Variants in PHYKPL observed in about 807,000 individuals in gnomAD.
PHYKPL encodes the protein 5-phosphonooxy-L-lysine phospho-lyase.
In PHYKPL, 42 loss-of-function variants were observed where a neutral mutation model predicts 51.3. That is an observed-to-expected ratio of 0.82 (90% CI 0.64 to 1.06). PHYKPL has a LOEUF of 1.06. PHYKPL is among the 50% of genes least tolerant of loss of function. PHYKPL has a pLI of 0.00. For missense variants in PHYKPL, 655 were observed against 586.6 expected (o/e 1.12, Z -1.20); for synonymous variants, 264 against 236.0 (o/e 1.12, Z -1.09).
chr5:178,222,449 T>G lies in PHYKPL; in HGVS notation c.833A>C (p.Lys278Thr), dbSNP rs780822431. The change falls in exon 8 of 13, where the codon AAG becomes ACG. Residue 278 changes from lysine to threonine, a missense_variant. Physicochemically the swap from Lys to Thr is moderately conservative, Grantham distance 78. Coordinates refer to ENST00000308158, the MANE Select transcript of PHYKPL (RefSeq NM_153373.4). ...DFVPDIVTMG[K>T]SIGNGHPVAC... Reference sequence around the variant, plus strand: ...AACAGGGTGGCCGTTGCCAATGGACTTGCCCATGGTGACGATGTCAGGGAC... The same window carrying G: ...AACAGGGTGGCCGTTGCCAATGGACGTGCCCATGGTGACGATGTCAGGGAC... 6.2e-7 allele frequency: 1 copy of G among 1,614,158 alleles called. No homozygotes were observed. The highest frequency in any genetic ancestry group is 1.3e-5 in the African/African-American group (1 of 74,954).
chr5:178,213,032 A>G lies in PHYKPL; in HGVS notation c.1244T>C (p.Met415Thr), dbSNP rs751908311. ...GRNILKFKPP[M>T]CFSLDNARQV... Reference sequence around the variant, plus strand: ...CCGTGCATTGTCCAGGCTGAAGCACATTGGGGGCTTAAACTTCAGGATGTT... The same window carrying G: ...CCGTGCATTGTCCAGGCTGAAGCACGTTGGGGGCTTAAACTTCAGGATGTT... The change falls in exon 11 of 13, where the codon ATG becomes ACG. Residue 415 changes from methionine to threonine, a missense_variant. By Grantham distance (81) the Met-to-Thr change is moderately conservative. Coordinates refer to ENST00000308158, the MANE Select transcript of PHYKPL (RefSeq NM_153373.4). 4.3e-6 allele frequency: 7 copies of G among 1,614,200 alleles called. No individual in the cohort carries two copies. Among genetic ancestry groups the G allele is most frequent in the Non-Finnish European group, 5.9e-6 (7 of 1,180,016 alleles).
chr5:178,220,556 G>C (rs1007754861), intron 8 of PHYKPL, among the ~76,000 whole-genome samples: 3 of 152,088 alleles, frequency 2.0e-5, no homozygotes, highest in African/African-American at 7.2e-5. Context: ...GTGTTAACTT[G>C]TGAACTACTT....
Position 178,230,070 on chromosome 5 carries a change from C to T in PHYKPL, c.208G>A (p.Ala70Thr). The T allele has an allele frequency of 6.2e-7, 1 of 1,614,136 alleles. No homozygotes were observed. The highest frequency in any genetic ancestry group is 8.5e-7 in the Non-Finnish European group (1 of 1,180,026). ...AGCACCTGGTTCTGCTCATGTGCTGCTTGGACCACGAGAGGGTGGCAGTGC... is the reference window on the plus strand; with the variant it reads ...AGCACCTGGTTCTGCTCATGTGCTGTTTGGACCACGAGAGGGTGGCAGTGC... Reference protein sequence around the residue: ...VGHCHPLVVQAAHEQNQVLNT... With the variant: ...VGHCHPLVVQTAHEQNQVLNT... Residue 70 changes from alanine (A) to threonine (T), a missense_variant, in exon 3 of 13, where the codon GCA becomes ACA. Coordinates refer to ENST00000308158, the MANE Select transcript of PHYKPL (RefSeq NM_153373.4).
At chr5:178,217,116 C>T (rs1399542778) in intron 8 of PHYKPL, 1 of 151,180 alleles carries the variant, frequency 6.6e-6, no homozygotes, top group East Asian at 1.9e-4. Context: ...AAAATGATGT[C>T]TTACCAAAAC....
At chr5:178,218,235 A>AAG (rs1554109219) in intron 8 of PHYKPL, among the ~76,000 whole-genome samples, 1 of 135,472 alleles carries the variant, frequency 7.4e-6, no homozygotes, top group Non-Finnish European at 1.7e-5. Context: ...AAAAAAAAAA[A>AAG]AAAGAAAGAA....
chr5:178,214,736 C>T, intron 10 of PHYKPL, 60 bp downstream of exon 10: 1 of 1,497,160 alleles, frequency 6.7e-7, no homozygotes, highest in East Asian at 2.3e-5. Flanking sequence ...ACTGGCCCTG[C>T]AAAGAGGTAC....
rs183838170 is a variant in PHYKPL, at chr5:178,216,022, G to A, written c.928-592C>T. On this transcript the variant is annotated intron_variant, in intron 8 of 12. Transcript: ENST00000308158. ...CTTTAAAAACATCAGCTTTGTTGAG[G>A]TATAATTTATATATAAACTGTGTTT... The A allele has an allele frequency of 2.6e-5, 4 of 152,320 alleles. No homozygotes were observed. In the East Asian group the frequency reaches 7.7e-4, roughly 29 times the overall value. 9.4% of individuals were successfully genotyped at this position (152,320 alleles called of 1,614,324 possible).
Position 178,215,309 on chromosome 5 carries a change from T to C in PHYKPL, c.1049A>G (p.Gln350Arg), listed in dbSNP as rs968445623. Residue 350 changes from glutamine to arginine, a missense_variant, in exon 9 of 13, where the codon CAA (glutamine) becomes CGA (arginine). Coordinates refer to ENST00000308158, the MANE Select transcript of PHYKPL (RefSeq NM_153373.4). ...CCCGACGATGGGATGTTTGATTTTTTGCTGCCCGAGGAGCTGCATCAGGAA... is the reference window on the plus strand; with the variant it reads ...CCCGACGATGGGATGTTTGATTTTTCGCTGCCCGAGGAGCTGCATCAGGAA... ...GSFLMQLLGQ[Q>R]KIKHPIVGDV... 2 of 1,613,960 alleles carry C rather than the reference T, an allele frequency of 1.2e-6. No individual in the cohort carries two copies. The highest frequency in any genetic ancestry group is 8.5e-7 in the Non-Finnish European group (1 of 1,179,982).
Position 178,232,492 on chromosome 5 carries a change from C to G in PHYKPL, c.59G>C (p.Ser20Thr). The G allele has an allele frequency of 7.3e-7, 1 of 1,360,606 alleles. No homozygotes were observed. The highest frequency in any genetic ancestry group is 9.4e-7 in the Non-Finnish European group (1 of 1,065,644). 84.3% of individuals were successfully genotyped at this position (1,360,606 alleles called of 1,614,324 possible). The change falls in exon 1 of 13, where the codon AGC (serine) becomes ACC (threonine). Residue 20 changes from serine (S) to threonine (T), a missense_variant and splice_region_variant. Coordinates refer to ENST00000308158, the MANE Select transcript of PHYKPL (RefSeq NM_153373.4). ...CGCCGCCCGCCCCCCGCCCGGGTAC[C>G]TGATGAGCCGTTGCCTCAGGGCCAG... is the stretch of plus-strand genomic sequence containing the variant. ...DTLALRQRLISSSCRLFFPED... is the reference protein window; with the variant it reads ...DTLALRQRLITSSCRLFFPED...
At chr5:178,228,262 AAAG>A in intron 3 of PHYKPL, 1 of 463,488 alleles carries the variant, frequency 2.2e-6, no homozygotes, top group Non-Finnish European at 3.9e-6. Flanking sequence ...AGGAATCAGC[AAAG>A]AAGACAGGGA....
chr5:178,222,624 G>C (rs1396696807), intron 7 of PHYKPL, 44 bp from the exon 8 acceptor site: 1 of 1,598,314 alleles, frequency 6.3e-7, no homozygotes, highest in Non-Finnish European at 8.6e-7. Flanking sequence ...TGGTTGAGAG[G>C]GATAAGATCA....
chr5:178,232,761 G>T lies in PHYKPL; in HGVS notation c.-211C>A. 2.2e-6 allele frequency: 1 copy of T among 456,780 alleles called. No individual in the cohort carries two copies. The highest frequency in any genetic ancestry group is 2.2e-5 in the African/African-American group (1 of 44,462). The allele number at this position is 456,780 out of a possible 1,614,324, so 28.3% of individuals were successfully genotyped here. ...TGGCAGCCTTCCGGCCCGTGGTCGTGCCTTGGCAGTCCCGCGCAGGAACTC... is the reference window on the plus strand; with the variant it reads ...TGGCAGCCTTCCGGCCCGTGGTCGTTCCTTGGCAGTCCCGCGCAGGAACTC... On this transcript the variant is annotated 5_prime_UTR_variant, in exon 1 of 13. Transcript: ENST00000308158.
intron 12 of PHYKPL, chr5:178,210,820 C>CT (rs1758068255): frequency 3.3e-6 from 2 of 602,856 alleles, no homozygotes; most frequent in Middle Eastern, 4.5e-4. Context: ...CGTGTGGTGT[C>CT]TGAGAGGCCA....
At chr5:178,214,343 T>C (rs1440002282) in intron 10 of PHYKPL, among the ~76,000 whole-genome samples, 5 of 152,028 alleles carry the variant, frequency 3.3e-5, no homozygotes, top group African/African-American at 1.2e-4. Flanking sequence ...CGACCCAGCT[T>C]AGGAGCAGGA....
intron 1 of PHYKPL, 107 bp from the exon 2 acceptor site, chr5:178,231,630 G>T (rs541504516): frequency 6.2e-6 from 10 of 1,606,468 alleles, no homozygotes; most frequent in Non-Finnish European, 6.0e-6. Context: ...GTGGCGGGGG[G>T]GAAATGAGAG....
Position 178,215,297 on chromosome 5 carries a change from T to A in PHYKPL, c.1061A>T (p.His354Leu), listed in dbSNP as rs1759540078. Reference sequence around the variant, plus strand: ...TCACCTGACATCCCCGACGATGGGATGTTTGATTTTTTGCTGCCCGAGGAG... The same window carrying A: ...TCACCTGACATCCCCGACGATGGGAAGTTTGATTTTTTGCTGCCCGAGGAG... Reference protein sequence around the residue: ...MQLLGQQKIKHPIVGDVRGVG... With the variant: ...MQLLGQQKIKLPIVGDVRGVG... The change falls in exon 9 of 13, where the codon CAT becomes CTT. Residue 354 changes from histidine (H) to leucine (L), a missense_variant. Transcript: ENST00000308158. 4 of 1,613,938 alleles carry A rather than the reference T, an allele frequency of 2.5e-6. No homozygotes were observed. The highest frequency in any genetic ancestry group is 2.5e-6 in the Non-Finnish European group (3 of 1,179,952).
chr5:178,218,226 A>AAAG (rs1760339662), intron 8 of PHYKPL, among the ~76,000 whole-genome samples: 1 of 150,116 alleles, frequency 6.7e-6, no homozygotes, highest in Non-Finnish European at 1.5e-5. Context: ...CAAAAAAAAA[A>AAAG]AAAAAAAAAA....
intron 8 of PHYKPL, among the ~76,000 whole-genome samples, chr5:178,219,791 A>C (rs1233483763): frequency 6.6e-6 from 1 of 152,268 alleles, no homozygotes; most frequent in Non-Finnish European, 1.5e-5. Context: ...ATGGTCAATA[A>C]ACATATGAAG....
intron 4 of PHYKPL, chr5:178,225,004 A>C (rs1762005190): frequency 1.8e-6 from 1 of 567,896 alleles, no homozygotes; most frequent in Non-Finnish European, 3.1e-6. Context: ...CTTCTGGTTT[A>C]TAATGAATCT....
Sources: allele counts gnomAD v4.1 joint callset (sites outside exome capture counted in the v4.1 genomes callset), GRCh38; gene constraint gnomAD v4.1.1; transcripts MANE v1.5; gene names NCBI Gene and HGNC (gene_info 2026-07-23, HGNC 2026-07-21).